Variants in KDELR2 observed in about 807,000 individuals in gnomAD.
KDELR2 encodes the protein ER lumen protein-retaining receptor 2.
KDELR2 carries 15 observed loss-of-function variants against 23.9 expected under a neutral mutation model. The observed-to-expected ratio is 0.63, with a 90% CI of 0.42 to 0.97. The LOEUF is 0.97. Among genes scored for constraint, KDELR2 ranks in the 50% least tolerant of loss-of-function variants. KDELR2 has a pLI of 0.00. For synonymous variants in KDELR2, 119 were observed against 106.2 expected, an observed-to-expected ratio of 1.12 and a Z score of -0.74; for missense variants, 272 against 254.6, an observed-to-expected ratio of 1.07 and a Z score of -0.46.
chr7:6,473,173 T>G (rs1314409764), intron 2 of KDELR2, among the ~76,000 whole-genome samples: 1 of 146,596 alleles, frequency 6.8e-6, no homozygotes, highest in African/African-American at 2.5e-5. Context: ...TCCACCCACC[T>G]TGGCCTCCCA....
At chr7:6,466,740 G>T (rs188581627) in intron 3 of KDELR2, among the ~76,000 whole-genome samples, 394 of 151,356 alleles carry the variant, frequency 2.6e-3, no homozygotes, top group Non-Finnish European at 4.2e-3. Flanking sequence ...AGATCATCAG[G>T]CATTAGATTT....
chr7:6,472,680 C>G (rs2115328720), intron 2 of KDELR2, among the ~76,000 whole-genome samples: 1 of 152,246 alleles, frequency 6.6e-6, no homozygotes, highest in Non-Finnish European at 1.5e-5. Context: ...TGTCTCCTTT[C>G]AACAGTGCTT....
intron 3 of KDELR2, among the ~76,000 whole-genome samples, chr7:6,466,731 G>A (rs972138084): frequency 2.6e-5 from 4 of 151,450 alleles, no homozygotes; most frequent in Non-Finnish European, 4.4e-5. Flanking sequence ...GACAGTGACA[G>A]ATCATCAGGC....
In KDELR2 at chr7:6,461,914, A is replaced by T. The variant is rs1785396095; in HGVS notation, c.*1227T>A. ...AATACATAATGTCTTACAGATGATT[A>T]TGTGAACTTTAAATGTCTGCAGCCC... On this transcript the variant is annotated 3_prime_UTR_variant, in exon 5 of 5. Transcript: ENST00000258739. 1 of 152,222 alleles carries T rather than the reference A, an allele frequency of 6.6e-6. No homozygotes were observed. Among genetic ancestry groups the T allele is most frequent in the South Asian group, 2.1e-4 (1 of 4,828 alleles). The allele number at this position is 152,222 out of a possible 1,614,324, so 9.4% of individuals were successfully genotyped here.
At chr7:6,478,055 G>A (rs998987139) in intron 1 of KDELR2, among the ~76,000 whole-genome samples, 10 of 152,216 alleles carry the variant, frequency 6.6e-5, no homozygotes, top group South Asian at 4.1e-4. Context: ...GCCAATTTAC[G>A]TATCTACTAA....
chr7:6,467,977 A>G (rs1309353801), intron 3 of KDELR2, among the ~76,000 whole-genome samples: 2 of 152,230 alleles, frequency 1.3e-5, no homozygotes, highest in African/African-American at 2.4e-5. Flanking sequence ...GCAGGGTCAC[A>G]GACACGACAT....
rs1272983522 is a variant in KDELR2, at chr7:6,462,200, TA to T, written c.*940del. The T allele has an allele frequency of 2.6e-3, 12 of 4,698 alleles. No individual in the cohort carries two copies. The highest frequency in any genetic ancestry group is 2.0e-3 in the Non-Finnish European group (1 of 494). 0.3% of individuals were successfully genotyped at this position (4,698 alleles called of 1,614,324 possible). A position where few individuals can be genotyped will look rare whatever the true frequency, so the allele number is the denominator to read the frequency against. ...GTGCTGCCAATTAAAAAAAAAACTG[TA>T]ATTAAATCATCTTACCACCCAAAAG... On this transcript the variant is annotated 3_prime_UTR_variant, in exon 5 of 5. Coordinates refer to ENST00000258739, the MANE Select transcript of KDELR2 (RefSeq NM_006854.4).
At position 6,482,026 on chromosome 7, in the gene KDELR2, C is replaced by T. The variant is rs537391399; in HGVS notation, c.91+1941G>A. ...ATTTATTTATTTATTTATTTAGAGA[C>T]GGTTTCGCTCTCGTTGCCCAGGCTG... is the stretch of plus-strand genomic sequence containing the variant. On this transcript the variant is annotated intron_variant, in intron 1 of 4. Transcript: ENST00000258739. Among the ~76,000 whole-genome samples the T allele has an allele frequency of 1.8e-4, 26 of 148,522 alleles. No individual in the cohort carries two copies. The East Asian group carries it at 4.4e-3, about 25-fold the overall frequency.
In KDELR2 at chr7:6,484,069, C is replaced by A. The variant is rs371753965; in HGVS notation, c.-12G>T. ...CGGAAAATGTTCATGGCGGCGGCGGCGGTGGCGGTCGGCGCAGCGCGGCGG... is the reference window on the plus strand; with the variant it reads ...CGGAAAATGTTCATGGCGGCGGCGGAGGTGGCGGTCGGCGCAGCGCGGCGG... On this transcript the variant is annotated 5_prime_UTR_variant, in exon 1 of 5. Transcript: ENST00000258739. The A allele has an allele frequency of 1.4e-6, 2 of 1,471,016 alleles. No individual in the cohort carries two copies. Among genetic ancestry groups the A allele is most frequent in the Non-Finnish European group, 1.8e-6 (2 of 1,104,786 alleles). The allele number at this position is 1,471,016 out of a possible 1,614,324, so 91.1% of individuals were successfully genotyped here. A position where few individuals can be genotyped will look rare whatever the true frequency, so the allele number is the denominator to read the frequency against.
At chr7:6,473,764 C>T (rs1157737058) in intron 2 of KDELR2, among the ~76,000 whole-genome samples, 2 of 152,130 alleles carry the variant, frequency 1.3e-5, no homozygotes, top group African/African-American at 2.4e-5. Context: ...CACACAGCAG[C>T]GAAATGAGAC....
At chr7:6,482,001 A>G (rs1438450846) in intron 1 of KDELR2, among the ~76,000 whole-genome samples, 1 of 148,492 alleles carries the variant, frequency 6.7e-6, no homozygotes, top group Non-Finnish European at 1.5e-5. Flanking sequence ...TTATTTATTT[A>G]TTTATTTATT....
intron 1 of KDELR2, among the ~76,000 whole-genome samples, chr7:6,481,434 T>C (rs1388902546): frequency 6.6e-6 from 1 of 151,764 alleles, no homozygotes; most frequent in Non-Finnish European, 1.5e-5. Flanking sequence ...CCAAATATCT[T>C]AGTTTGGATA....
intron 3 of KDELR2, among the ~76,000 whole-genome samples, chr7:6,467,424 G>A (rs1162865198): frequency 6.6e-6 from 1 of 152,142 alleles, no homozygotes; most frequent in Non-Finnish European, 1.5e-5. Flanking sequence ...CTTTATTCAC[G>A]ATGATGATAG....
At chr7:6,465,607 T>C (rs905964226) in intron 4 of KDELR2, among the ~76,000 whole-genome samples, 2 of 152,146 alleles carry the variant, frequency 1.3e-5, no homozygotes, top group Non-Finnish European at 2.9e-5. Flanking sequence ...ATGACTGGAT[T>C]TTAACAGCAA....
chr7:6,483,613 C>CA (rs1414310111), intron 1 of KDELR2, among the ~76,000 whole-genome samples: 1 of 152,218 alleles, frequency 6.6e-6, no homozygotes, highest in African/African-American at 2.4e-5. Flanking sequence ...GAGATCCCGG[C>CA]CGGAGAAGCG....
chr7:6,464,305 G>A (rs1785453566), intron 4 of KDELR2, among the ~76,000 whole-genome samples: 1 of 148,512 alleles, frequency 6.7e-6, no homozygotes, highest in Admixed American at 6.8e-5. Context: ...CGGATCACGA[G>A]GTTGGGAGTT....
intron 2 of KDELR2, among the ~76,000 whole-genome samples, chr7:6,470,988 G>A (rs1785621358): frequency 6.6e-6 from 1 of 151,290 alleles, no homozygotes; most frequent in Non-Finnish European, 1.5e-5. Flanking sequence ...GTGGTGGCGG[G>A]TGCCTATAGT....
chr7:6,476,277 G>T (rs1213774803), intron 1 of KDELR2, among the ~76,000 whole-genome samples: 1 of 147,662 alleles, frequency 6.8e-6, no homozygotes, highest in Non-Finnish European at 1.5e-5. Flanking sequence ...GAAACCAAAG[G>T]GCCAAAGGAG....
chr7:6,469,869 T>C (rs1269430355), intron 2 of KDELR2, 115 bp from the exon 3 acceptor site: 2 of 895,036 alleles, frequency 2.2e-6, no homozygotes, highest in Non-Finnish European at 3.3e-6. Flanking sequence ...CTTAGCTTTG[T>C]TTTTGGAATT....
Sources: gnomAD v4.1 joint callset for allele counts (sites outside exome capture counted in the v4.1 genomes callset) on GRCh38, gnomAD v4.1.1 for gene constraint, MANE v1.5 for transcripts, NCBI Gene and HGNC (gene_info 2026-07-23, HGNC 2026-07-21) for gene names.